The following ZCCHC14 variants were observed in gnomAD, a reference collection of about 807,000 sequenced individuals.
ZCCHC14 encodes the protein zinc finger CCHC-type containing 14, also known as zinc finger CCHC domain-containing protein 14.
In ZCCHC14, 16 loss-of-function variants were observed where a neutral mutation model predicts 85.0. That is an observed-to-expected ratio of 0.19 (90% CI 0.13 to 0.29). The LOEUF (loss-of-function observed/expected upper bound fraction) is 0.29. ZCCHC14 is among the 10% of genes least tolerant of loss of function. ZCCHC14 has a pLI of 1.00. For synonymous variants in ZCCHC14, 775 were observed against 630.7 expected, an observed-to-expected ratio of 1.23 and a Z score of -3.43; for missense variants, 1,303 against 1,443.5, an observed-to-expected ratio of 0.90 and a Z score of 1.58.
chr16:87,459,918 G>A lies in ZCCHC14; in HGVS notation c.694+90C>T. The A allele has an allele frequency of 7.1e-6, 11 of 1,559,634 alleles. 1 individual carries two copies. The South Asian group carries it at 1.2e-4, about 17-fold the overall frequency. ...TAAGATTGGCATTTATGAAAGATCTGAAAGCATTTAACAATGCCCTCACGG... is the reference window on the plus strand; with the variant it reads ...TAAGATTGGCATTTATGAAAGATCTAAAAGCATTTAACAATGCCCTCACGG... On this transcript the variant is annotated intron_variant, in intron 2 of 12. Coordinates refer to ENST00000671377, the MANE Select transcript of ZCCHC14 (RefSeq NM_015144.3).
In ZCCHC14 at chr16:87,460,131, T is replaced by C. The variant is rs11648852; in HGVS notation, c.571A>G (p.Ile191Val). Residue 191 changes from isoleucine (I) to valine (V), a missense_variant and splice_region_variant, in exon 2 of 13, where the codon ATC (isoleucine) becomes GTC (valine). Ile to Val is a conservative substitution (Grantham distance 29, BLOSUM62 3). Transcript: ENST00000671377. ...ALPTCPACHK[I>V]TPRTEAPVSS... ...ACAGGGGCCTCAGTTCTTGGAGTGA[T>C]CTGAGGGAACAGAAACAGAATCATC... 214,601 of 1,613,660 alleles carry C rather than the reference T, an allele frequency of 0.13. 15,097 individuals are homozygous for C. Among genetic ancestry groups the C allele is most frequent in the East Asian group, 0.24 (10,925 of 44,870 alleles).
chr16:87,430,913 G>GTGGATCAGGAGGTCAGGA (rs1446485909), intron 3 of ZCCHC14, among the ~76,000 whole-genome samples: 1 of 152,086 alleles, frequency 6.6e-6, no homozygotes. Context: ...GCTGAGGCGG[G>GTGGATCAGGAGGTCAGGA]CAGATCGCTT....
rs758283760 is a variant in ZCCHC14, at chr16:87,412,005, G to A, written c.2716C>T (p.His906Tyr). 6.2e-6 allele frequency: 10 copies of A among 1,602,170 alleles called. No individual in the cohort carries two copies. Among genetic ancestry groups the A allele is most frequent in the African/African-American group, 1.3e-5 (1 of 74,766 alleles). Residue 906 changes from histidine (H) to tyrosine (Y), a missense_variant, in exon 12 of 13, where the codon CAT becomes TAT. Physicochemically the swap from His to Tyr is moderately conservative, Grantham distance 83. Around this residue, in one of 7 missense-constraint regions of ZCCHC14, gnomAD observed 797 missense variants for 730.8 expected, o/e 1.09. Transcript: ENST00000671377. ...TGCGGGGGTGCCGGGGGCTGCTGAT[G>A]GTGGTGGTGGTGGTGGTGGTTCGGA... ...SNPNHHHHHH[H>Y]QQPPAPPQPA...
chr16:87,470,120 G>A (rs1360482391), intron 1 of ZCCHC14, among the ~76,000 whole-genome samples: 1 of 151,964 alleles, frequency 6.6e-6, no homozygotes, highest in African/African-American at 2.4e-5. Flanking sequence ...AACTCCTGAG[G>A]TCAGGAGTTC....
At chr16:87,489,480 G>A (rs533733314) in intron 1 of ZCCHC14, among the ~76,000 whole-genome samples, 51 of 152,316 alleles carry the variant, frequency 3.3e-4, no homozygotes, top group African/African-American at 1.0e-3. Context: ...TTAAAAGCCG[G>A]AGAGGCCATA....
chr16:87,421,131 C>A (rs149612754), intron 4 of ZCCHC14, among the ~76,000 whole-genome samples: 7 of 152,202 alleles, frequency 4.6e-5, no homozygotes, highest in Non-Finnish European at 8.8e-5. Flanking sequence ...ACAGAAATGC[C>A]GGAGCCCCAG....
rs149698011 is a variant in ZCCHC14 at position 87,441,631 on chromosome 16, G to C, written c.695-8430C>G. On this transcript the variant is annotated intron_variant, in intron 2 of 12. Coordinates refer to ENST00000671377, the MANE Select transcript of ZCCHC14 (RefSeq NM_015144.3). ...ACTCTGATTTTAGCAAATAAAATTA[G>C]GGGCTTTATTGTAGGAAAATATGTT... Among the ~76,000 whole-genome samples, 49 of 152,276 alleles carry C rather than the reference G, an allele frequency of 3.2e-4. No homozygotes were observed. In the East Asian group the frequency reaches 8.9e-3, roughly 28 times the overall value.
At chr16:87,444,000 G>A (rs1169451672) in intron 2 of ZCCHC14, among the ~76,000 whole-genome samples, 2 of 143,100 alleles carry the variant, frequency 1.4e-5, no homozygotes, top group African/African-American at 2.6e-5. Context: ...CTGTGCCACT[G>A]CACTGCAGCC....
chr16:87,477,133 AAAAAAAAAC>A (rs1202154140), intron 1 of ZCCHC14, among the ~76,000 whole-genome samples: 2 of 145,676 alleles, frequency 1.4e-5, no homozygotes, highest in Admixed American at 6.9e-5. Context: ...AAAAAAAAAA[AAAAAAAAAC>A]AAAACAAAAC....
intron 1 of ZCCHC14, among the ~76,000 whole-genome samples, chr16:87,480,143 C>T (rs544090919): frequency 2.1e-4 from 32 of 152,112 alleles, no homozygotes; most frequent in Admixed American, 1.2e-3. Context: ...GTGGCTCACA[C>T]CTGTAATCCC....
At chr16:87,454,209 G>C (rs960299712) in intron 2 of ZCCHC14, among the ~76,000 whole-genome samples, 3 of 152,342 alleles carry the variant, frequency 2.0e-5, no homozygotes, top group East Asian at 3.9e-4. Context: ...TGGAGTCTCA[G>C]ATGGAGAAGA....
chr16:87,489,452 C>G (rs1912653333), intron 1 of ZCCHC14, among the ~76,000 whole-genome samples: 1 of 152,180 alleles, frequency 6.6e-6, no homozygotes, highest in African/African-American at 2.4e-5. Flanking sequence ...AGTTAGCAAA[C>G]CTCTATAAAA....
intron 2 of ZCCHC14, among the ~76,000 whole-genome samples, chr16:87,452,917 G>A (rs1910775277): frequency 6.6e-6 from 1 of 152,234 alleles, no homozygotes; most frequent in Non-Finnish European, 1.5e-5. Flanking sequence ...GGCTCAGGTG[G>A]CCCAAGTGCA....
chr16:87,438,774 C>T (rs959354708), intron 2 of ZCCHC14, among the ~76,000 whole-genome samples: 2 of 151,964 alleles, frequency 1.3e-5, no homozygotes, highest in African/African-American at 2.4e-5. Flanking sequence ...ACAGGAGGCC[C>T]GGGCCCACCG....
rs374038580 is a variant in ZCCHC14, at chr16:87,423,770, T to C, written c.840+40A>G. The C allele has an allele frequency of 7.5e-6, 12 of 1,604,942 alleles. No individual in the cohort carries two copies. The South Asian group carries it at 8.8e-5, about 12-fold the overall frequency. On this transcript the variant is annotated intron_variant, in intron 4 of 12. Transcript: ENST00000671377. ...TGGTATCATCAGCCACTGGGGAATGTGATTCTTTTAATTTTTATAAGAGCC... is the reference window on the plus strand; with the variant it reads ...TGGTATCATCAGCCACTGGGGAATGCGATTCTTTTAATTTTTATAAGAGCC...
At chr16:87,419,263 G>A (rs1259880822) in intron 6 of ZCCHC14, among the ~76,000 whole-genome samples, 2 of 150,776 alleles carry the variant, frequency 1.3e-5, no homozygotes, top group Non-Finnish European at 3.0e-5. Flanking sequence ...TGAGTAGCTG[G>A]GATTACAGGA....
At chr16:87,442,607 G>A (rs1434410312) in intron 2 of ZCCHC14, among the ~76,000 whole-genome samples, 1 of 152,180 alleles carries the variant, frequency 6.6e-6, no homozygotes, top group East Asian at 1.9e-4. Context: ...GTGGGACAAT[G>A]GCTGAAAAAG....
intron 1 of ZCCHC14, among the ~76,000 whole-genome samples, chr16:87,465,983 A>G (rs1597443527): frequency 6.6e-6 from 1 of 152,200 alleles, no homozygotes; most frequent in East Asian, 1.9e-4. Flanking sequence ...TGGGATGGAA[A>G]AGGGAATCCC....
At chr16:87,463,081 A>G (rs1911351786) in intron 1 of ZCCHC14, among the ~76,000 whole-genome samples, 1 of 152,070 alleles carries the variant, frequency 6.6e-6, no homozygotes, top group African/African-American at 2.4e-5. Flanking sequence ...AGAAAAAGAA[A>G]AAAAGAAAAA....
Sources: allele counts gnomAD v4.1 joint callset (sites outside exome capture counted in the v4.1 genomes callset), GRCh38; gene constraint gnomAD v4.1.1; regional missense constraint gnomAD v4.1.1; transcripts MANE v1.5; gene names NCBI Gene and HGNC (gene_info 2026-07-23, HGNC 2026-07-21).